Variants in PUS10 observed in about 807,000 individuals in gnomAD.
The protein encoded by PUS10 is tRNA pseudouridine synthase Pus10.
In PUS10, 59 loss-of-function variants were observed where a neutral mutation model predicts 75.0. The observed-to-expected ratio is 0.79, with a 90% confidence interval of 0.64 to 0.98. PUS10 has a LOEUF of 0.98. PUS10 is among the 50% of genes least tolerant of loss of function. The pLI is 0.00. For missense variants in PUS10, 650 were observed against 614.4 expected (o/e 1.06, Z -0.61); for synonymous variants, 219 against 211.6 (o/e 1.03, Z -0.30).
In PUS10 at chr2:60,940,479, G is replaced by C. The variant is rs1674575246; in HGVS notation, c.*1916C>G. On this transcript the variant is annotated 3_prime_UTR_variant, in exon 18 of 18. Transcript: ENST00000316752. ...GTACTCTCACTACTTAATATTTCCA[G>C]TTCTGCCTAAAACAAAGACATACAT... 6.6e-6 allele frequency: 1 copy of C among 152,270 alleles called. No homozygotes were observed. The highest frequency in any genetic ancestry group is 1.5e-5 in the Non-Finnish European group (1 of 67,994). The allele number at this position is 152,270 out of a possible 1,614,324, so 9.4% of individuals were successfully genotyped here. A position where few individuals can be genotyped will look rare whatever the true frequency, so the allele number is the denominator to read the frequency against.
intron 2 of PUS10, chr2:61,010,644 G>A: frequency 1.1e-6 from 1 of 928,190 alleles, no homozygotes; most frequent in South Asian, 1.8e-5. Flanking sequence ...TTTTCAAAGT[G>A]TTTCCACGTA....
chr2:60,985,082 A>C (rs182792438), intron 4 of PUS10, among the ~76,000 whole-genome samples: 1 of 152,250 alleles, frequency 6.6e-6, no homozygotes, highest in Non-Finnish European at 1.5e-5. Flanking sequence ...TCAGAAATTT[A>C]AAGGTTATTT....
At chr2:60,999,802 A>G (rs1474629600) in intron 4 of PUS10, among the ~76,000 whole-genome samples, 2 of 152,252 alleles carry the variant, frequency 1.3e-5, no homozygotes, top group South Asian at 2.1e-4. Context: ...TCAACCCTGG[A>G]TAGAAAACAT....
At chr2:61,004,685 TGA>T (rs1425692981) in intron 4 of PUS10, among the ~76,000 whole-genome samples, 1 of 142,392 alleles carries the variant, frequency 7.0e-6, no homozygotes, top group Non-Finnish European at 1.5e-5. Flanking sequence ...AATCACGAAG[TGA>T]ACCATAAACA....
chr2:60,955,379 G>T (rs1041234946), intron 11 of PUS10, among the ~76,000 whole-genome samples: 2 of 151,814 alleles, frequency 1.3e-5, no homozygotes, highest in Admixed American at 6.6e-5. Context: ...ACCCAGGCTG[G>T]AGTGCAGCAG....
chr2:60,960,508 T>C lies in PUS10; in HGVS notation c.884A>G (p.Asn295Ser). 6.4e-7 allele frequency: 1 copy of C among 1,574,730 alleles called. No individual in the cohort carries two copies. The highest frequency in any genetic ancestry group is 8.6e-7 in the Non-Finnish European group (1 of 1,165,808). Residue 295 changes from asparagine (N) to serine (S), a missense_variant, in exon 11 of 18, where the codon AAT (asparagine) becomes AGT (serine). By Grantham distance (46) the Asn-to-Ser change is conservative (BLOSUM62 1). Coordinates refer to ENST00000316752, the MANE Select transcript of PUS10 (RefSeq NM_144709.4). ...TTGTGGTAGATTCCTGGAGTATTTA[T>C]TATATCTCCCTGAGAAAGAAATAAT... ...HGAVFVAGRY[N>S]KYSRNLPQTP...
chr2:60,987,961 C>T (rs956365642), intron 4 of PUS10, among the ~76,000 whole-genome samples: 4 of 151,302 alleles, frequency 2.6e-5, no homozygotes, highest in Admixed American at 2.0e-4. Context: ...TGGTGGCACA[C>T]GCCTGTAGTC....
At chr2:60,947,615 G>A (rs1027155233) in intron 16 of PUS10, among the ~76,000 whole-genome samples, 2 of 152,102 alleles carry the variant, frequency 1.3e-5, no homozygotes, top group East Asian at 3.9e-4. Flanking sequence ...GGATCACGAG[G>A]TCAGGAGATA....
chr2:60,968,889 C>A (rs562079526), intron 5 of PUS10, among the ~76,000 whole-genome samples: 1 of 152,238 alleles, frequency 6.6e-6, no homozygotes, highest in Admixed American at 6.5e-5. Context: ...TAAACTGTTC[C>A]TAATTCTCTG....
intron 10 of PUS10, 124 bp from the exon 11 acceptor site, chr2:60,960,641 T>C (rs1675969812): frequency 3.9e-6 from 3 of 769,914 alleles, no homozygotes; most frequent in Non-Finnish European, 5.9e-6. Flanking sequence ...AGGCCTATCC[T>C]TTACCTAACT....
chr2:60,995,577 T>C (rs1248077379), intron 4 of PUS10, among the ~76,000 whole-genome samples: 2 of 152,188 alleles, frequency 1.3e-5, no homozygotes, highest in African/African-American at 2.4e-5. Flanking sequence ...AGTTCCCCTT[T>C]TCAGCAACTT....
Position 60,948,028 on chromosome 2 carries a change from C to A in PUS10, c.1451+15G>T, listed in dbSNP as rs1404127898. ...TTCTGGTTCGATGGCGGCAGTGCAG[C>A]AGGTGGAAGGATACGTGCCAGCCTG... On this transcript the variant is annotated intron_variant, in intron 16 of 17. Coordinates refer to ENST00000316752, the MANE Select transcript of PUS10 (RefSeq NM_144709.4). The A allele has an allele frequency of 6.2e-7, 1 of 1,613,834 alleles. No homozygotes were observed. Among genetic ancestry groups the A allele is most frequent in the African/African-American group, 1.3e-5 (1 of 74,894 alleles).
chr2:60,986,810 C>G (rs1220148948), intron 4 of PUS10, among the ~76,000 whole-genome samples: 2 of 152,154 alleles, frequency 1.3e-5, no homozygotes, highest in African/African-American at 2.4e-5. Context: ...GATTCGGAGA[C>G]AGAAAGAACT....
At chr2:61,016,566 T>C in intron 1 of PUS10, among the ~76,000 whole-genome samples, 1 of 152,204 alleles carries the variant, frequency 6.6e-6, no homozygotes, top group East Asian at 1.9e-4. Flanking sequence ...GTTTATGTGT[T>C]TGTTTTATAG....
At chr2:60,970,527 T>C (rs901332837) in intron 5 of PUS10, among the ~76,000 whole-genome samples, 2 of 152,122 alleles carry the variant, frequency 1.3e-5, no homozygotes, top group Non-Finnish European at 2.9e-5. Context: ...TTAAATTCAG[T>C]TGGGAATCAA....
chr2:60,996,610 C>A (rs1162253272), intron 4 of PUS10, among the ~76,000 whole-genome samples: 1 of 147,312 alleles, frequency 6.8e-6, no homozygotes, highest in African/African-American at 2.7e-5. Context: ...AAAAAAAAAA[C>A]TTAAAAAGCA....
At chr2:60,952,904 C>T (rs969721869) in intron 15 of PUS10, 93 bp downstream of exon 15, 2 of 745,348 alleles carry the variant, frequency 2.7e-6, no homozygotes, top group Non-Finnish European at 4.6e-6. Context: ...AAAGCCCATG[C>T]CCTGTGACTT....
At chr2:61,013,550 T>A (rs1679772495) in intron 1 of PUS10, among the ~76,000 whole-genome samples, 1 of 152,386 alleles carries the variant, frequency 6.6e-6, no homozygotes, top group Non-Finnish European at 1.5e-5. Flanking sequence ...CTCCTGTGTA[T>A]ACACATTACA....
chr2:60,994,891 C>T (rs1399417557), intron 4 of PUS10, among the ~76,000 whole-genome samples: 1 of 152,156 alleles, frequency 6.6e-6, no homozygotes, highest in Non-Finnish European at 1.5e-5. Context: ...GAGTTTGAGA[C>T]CAGCCTGGCC....
Sources: allele counts gnomAD v4.1 joint callset (sites outside exome capture counted in the v4.1 genomes callset), GRCh38; gene constraint gnomAD v4.1.1; transcripts MANE v1.5; gene names NCBI Gene and HGNC (gene_info 2026-07-23, HGNC 2026-07-21).